Variants in GLB1 observed in about 807,000 individuals in gnomAD.
The protein encoded by GLB1 is beta-galactosidase.
A neutral mutation model predicts 74.0 loss-of-function variants in GLB1; 56 were observed. The ratio of observed to expected loss-of-function variants is 0.76; its 90% CI spans 0.61 to 0.94. GLB1 has a LOEUF of 0.94. Among genes scored for constraint, GLB1 ranks in the 40% least tolerant of loss-of-function variants. The probability of loss-of-function intolerance (pLI) is 0.00; values close to 1 mark genes in which losing one functional copy is unlikely to be tolerated. For synonymous variants in GLB1, 323 were observed against 323.6 expected, an observed-to-expected ratio of 1.00 and a Z score of 0.02; for missense variants, 787 against 845.5, an observed-to-expected ratio of 0.93 and a Z score of 0.86.
chr3:32,961,143 A>G, the GLB1 span, among the ~76,000 whole-genome samples: 1,661 of 152,358 alleles, frequency 0.011, 31 homozygotes, highest in African/African-American at 0.038. Context: ...GACTTTTCAT[A>G]TTGAACATAA....
chr3:33,034,338 C>T, intron 10 of GLB1: 1 of 755,364 alleles, frequency 1.3e-6, no homozygotes, highest in Non-Finnish European at 2.5e-6. Context: ...ATCAGCTAGG[C>T]CCCTGCTGTT....
At chr3:33,060,896 G>C (rs1009141851) in intron 5 of GLB1, among the ~76,000 whole-genome samples, 1 of 152,038 alleles carries the variant, frequency 6.6e-6, no homozygotes, top group Non-Finnish European at 1.5e-5. Flanking sequence ...TACATGACTA[G>C]AACCTTGCAC....
chr3:32,989,217 G>A, the GLB1 span, among the ~76,000 whole-genome samples: 8,285 of 152,238 alleles, frequency 0.054, 248 homozygotes, highest in Middle Eastern at 0.085. Flanking sequence ...ATGTCAGTCT[G>A]TGGTGCTTCT....
At position 33,031,237 on chromosome 3, in the gene GLB1, T is replaced by C. The variant is rs77901784; in HGVS notation, c.1069-6912A>G. Among the ~76,000 whole-genome samples the C allele has an allele frequency of 1.0e-2, 1,521 of 152,254 alleles. 34 individuals are homozygous for C. Among genetic ancestry groups the C allele is most frequent in the African/African-American group, 0.034 (1,432 of 41,532 alleles). ...GTCTTTGATGAAGGAAGGAGGCAGGTAGAGCTATATACAGGGGATATCTAC... is the reference window on the plus strand; with the variant it reads ...GTCTTTGATGAAGGAAGGAGGCAGGCAGAGCTATATACAGGGGATATCTAC... On this transcript the variant is annotated intron_variant, in intron 10 of 15. Coordinates refer to ENST00000307363, the MANE Select transcript of GLB1 (RefSeq NM_000404.4).
At chr3:33,068,078 G>A (rs1169801680) in intron 4 of GLB1, 152 bp downstream of exon 4, 1 of 1,060,714 alleles carries the variant, frequency 9.4e-7, no homozygotes, top group Non-Finnish European at 1.4e-6. Context: ...GTAGGGGCGA[G>A]GTTTTGCCAT....
chr3:32,981,863 C>T, the GLB1 span, among the ~76,000 whole-genome samples: 3 of 151,864 alleles, frequency 2.0e-5, no homozygotes, highest in African/African-American at 7.3e-5. Context: ...TACTTGTTTC[C>T]ATCTTTTTAC....
intron 6 of GLB1, among the ~76,000 whole-genome samples, chr3:33,054,826 G>A (rs745351977): frequency 2.0e-5 from 3 of 152,106 alleles, no homozygotes; most frequent in Non-Finnish European, 4.4e-5. Flanking sequence ...AGAAGGAATG[G>A]GCTGCCAAAC....
chr3:33,081,294 C>G (rs747234915), intron 1 of GLB1, among the ~76,000 whole-genome samples: 1 of 152,106 alleles, frequency 6.6e-6, no homozygotes, highest in Non-Finnish European at 1.5e-5. Flanking sequence ...AATCCCAGGC[C>G]GGATATGGGG....
intron 10 of GLB1, among the ~76,000 whole-genome samples, chr3:33,025,977 G>A (rs949459303): frequency 2.0e-5 from 3 of 152,256 alleles, no homozygotes; most frequent in African/African-American, 7.2e-5. Flanking sequence ...AGCCCGCCAC[G>A]ATGGGACTGG....
chr3:33,023,371 C>A (rs1697585750), intron 11 of GLB1, among the ~76,000 whole-genome samples: 2 of 152,140 alleles, frequency 1.3e-5, no homozygotes, highest in Non-Finnish European at 2.9e-5. Flanking sequence ...AGACCACATT[C>A]TTTGTAGAAT....
At chr3:33,033,409 A>G (rs1054728801) in intron 10 of GLB1, among the ~76,000 whole-genome samples, 6 of 152,232 alleles carry the variant, frequency 3.9e-5, no homozygotes, top group Non-Finnish European at 8.8e-5. Context: ...GCCAGGCTAA[A>G]AAGAAAGATT....
chr3:33,082,567 G>A (rs558685741), intron 1 of GLB1, among the ~76,000 whole-genome samples: 9 of 152,178 alleles, frequency 5.9e-5, no homozygotes, highest in Non-Finnish European at 1.2e-4. Context: ...TTAATTAACC[G>A]AGTAGTAGCT....
the GLB1 span, among the ~76,000 whole-genome samples, chr3:32,975,487 A>G: frequency 6.6e-6 from 1 of 152,250 alleles, no homozygotes; most frequent in East Asian, 1.9e-4. Context: ...CAGTTAGGGG[A>G]GTTGTGCACA....
At position 33,058,252 on chromosome 3, in the gene GLB1, G is replaced by A. The variant is rs1336143832; in HGVS notation, c.570C>T (p.Gly190=). Residue 190 remains glycine (G), a synonymous_variant, in exon 6 of 16, where the codon GGC becomes GGT. Coordinates refer to ENST00000307363, the MANE Select transcript of GLB1 (RefSeq NM_000404.4). ...AGTCAAAATCACAGGCAAAGTAGCTGCCATATTCATTTTCAACCTGTGAGT... is the reference window on the plus strand; with the variant it reads ...AGTCAAAATCACAGGCAAAGTAGCTACCATATTCATTTTCAACCTGTGAGT... ...VITVQVENEY[G]SYFACDFDYL... is the part of the protein sequence containing the mutation. 2.5e-6 allele frequency: 4 copies of A among 1,614,164 alleles called. No homozygotes were observed. Among genetic ancestry groups the A allele is most frequent in the Non-Finnish European group, 3.4e-6 (4 of 1,180,030 alleles).
At chr3:33,079,235 A>G (rs1700237800) in intron 1 of GLB1, among the ~76,000 whole-genome samples, 1 of 152,142 alleles carries the variant, frequency 6.6e-6, no homozygotes, top group Non-Finnish European at 1.5e-5. Context: ...GGGTAATGGT[A>G]ATTAATATTC....
chr3:33,056,351 C>G lies in GLB1; in HGVS notation c.733+1738G>C, dbSNP rs961811208. Among the ~76,000 whole-genome samples, 11 of 151,420 alleles carry G rather than the reference C, an allele frequency of 7.3e-5. No homozygotes were observed. The Middle Eastern group carries it at 0.02, about 281-fold the overall frequency. On this transcript the variant is annotated intron_variant, in intron 6 of 15. Transcript: ENST00000307363. Reference sequence around the variant, plus strand: ...TGCAATGCACATGAAGTGCCTTTTACCTCAGAGGGGAGAACATCAGGGTCT... The same window carrying G: ...TGCAATGCACATGAAGTGCCTTTTAGCTCAGAGGGGAGAACATCAGGGTCT...
At chr3:33,061,849 G>C (rs1039304615) in intron 5 of GLB1, 10 of 152,196 alleles carry the variant, frequency 6.6e-5, no homozygotes, top group Admixed American at 6.5e-4. Flanking sequence ...AACCATCATA[G>C]GTGGCACTGG....
chr3:32,979,703 T>A, the GLB1 span, among the ~76,000 whole-genome samples: 2 of 151,598 alleles, frequency 1.3e-5, no homozygotes, highest in African/African-American at 4.8e-5. Flanking sequence ...AAATAAAAAA[T>A]TAGCTGGGCA....
rs992755520 is a variant in GLB1 at position 33,093,351 on chromosome 3, G to T, written c.75+3660C>A. ...TGCAAACCAGTTGCTGACATCTGAC[G>T]TGTAGTACTCATGATTGCCTGTGAC... On this transcript the variant is annotated intron_variant, in intron 1 of 15. Coordinates refer to ENST00000307363, the MANE Select transcript of GLB1 (RefSeq NM_000404.4). This position sits in a 1 kb window ranked among gnomAD's most constrained non-coding sequence, Gnocchi z 6.0. 19 of 1,614,052 alleles carry T rather than the reference G, an allele frequency of 1.2e-5. No individual in the cohort carries two copies. The highest frequency in any genetic ancestry group is 1.6e-5 in the Non-Finnish European group (19 of 1,180,040).
Sources: allele counts gnomAD v4.1 joint callset (sites outside exome capture counted in the v4.1 genomes callset), GRCh38; gene constraint gnomAD v4.1.1; non-coding constraint Gnocchi (gnomAD v3.1); transcripts MANE v1.5; gene names NCBI Gene and HGNC (gene_info 2026-07-23, HGNC 2026-07-21).